The following BRPF1 variants were observed in gnomAD, a reference collection of about 807,000 sequenced individuals.
The protein encoded by BRPF1 is bromodomain and PHD finger containing 1.
BRPF1 carries 15 observed loss-of-function variants against 115.0 expected under a neutral mutation model. The ratio of observed to expected loss-of-function variants is 0.13; its 90% CI spans 0.09 to 0.20. BRPF1 has a LOEUF of 0.20. BRPF1 is among the 10% of genes least tolerant of loss of function. The probability of loss-of-function intolerance (pLI) is 1.00; values close to 1 mark genes in which losing one functional copy is unlikely to be tolerated. For synonymous variants in BRPF1, 647 were observed against 619.8 expected, an observed-to-expected ratio of 1.04 and a Z score of -0.65; for missense variants, 1,118 against 1,638.3, an observed-to-expected ratio of 0.68 and a Z score of 5.48.
At position 9,745,433 on chromosome 3, in the gene BRPF1, G is replaced by A; in HGVS notation, c.3069-140G>A. ...GGTCATCAGCCTAGCCCCTGTGGGT[G>A]TTTGAATTTGAAATTCCTCATATAG... On this transcript the variant is annotated intron_variant, in intron 10 of 13. Coordinates refer to ENST00000383829, the MANE Select transcript of BRPF1 (RefSeq NM_001003694.2). This position sits in a 1 kb window ranked among gnomAD's most constrained non-coding sequence, Gnocchi z 5.1. 2.7e-6 allele frequency: 3 copies of A among 1,108,336 alleles called. No individual in the cohort carries two copies. Among genetic ancestry groups the A allele is most frequent in the Non-Finnish European group, 3.9e-6 (3 of 763,922 alleles). The allele number at this position is 1,108,336 out of a possible 1,614,324, so 68.7% of individuals were successfully genotyped here. A position where few individuals can be genotyped will look rare whatever the true frequency, so the allele number is the denominator to read the frequency against.
chr3:9,739,233 C>A lies in BRPF1; in HGVS notation c.834C>A (p.Ile278=). Residue 278 remains isoleucine (I), a synonymous_variant, in exon 3 of 14, where the codon ATC becomes ATA. Transcript: ENST00000383829. The part of the protein sequence containing the change: ...ALVDEDAVCC[I]CNDGECQNSN... ...TGGACGAGGATGCTGTTTGCTGTAT[C>A]TGCAATGATGGTGAGTGCCAGAACA... 1 of 1,613,482 alleles carries A rather than the reference C, an allele frequency of 6.2e-7. No individual in the cohort carries two copies. The highest frequency in any genetic ancestry group is 8.5e-7 in the Non-Finnish European group (1 of 1,179,510).
At position 9,739,095 on chromosome 3, in the gene BRPF1, G is replaced by C; in HGVS notation, c.696G>C (p.Arg232=). The C allele has an allele frequency of 6.2e-7, 1 of 1,613,822 alleles. No homozygotes were observed. Among genetic ancestry groups the C allele is most frequent in the South Asian group, 1.1e-5 (1 of 91,038 alleles). ...YIWLDIMNER[R]KTEGVSPIPQ... is the part of the protein sequence containing the mutation. ...GGCTGGATATCATGAATGAGCGTCG[G>C]AAGACAGAGGGTGTAAGTCCCATCC... is the stretch of plus-strand genomic sequence containing the variant. The change falls in exon 3 of 14, where the codon CGG becomes CGC. Residue 232 remains arginine (R), a synonymous_variant. Transcript: ENST00000383829.
In BRPF1 at chr3:9,743,752, T is replaced by C; in HGVS notation, c.2486T>C (p.Leu829Pro). ...GAGATGACGGCACTGCGGCGGAAGC[T>C]TGCCCATCAGCGAGAGACGGGACGT... ...KKEMTALRRK[L>P]AHQRETGRDG... is the part of the protein sequence containing the mutation. Residue 829 changes from leucine (L) to proline (P), a missense_variant, in exon 8 of 14, where the codon CTT (leucine) becomes CCT (proline). Around this residue, in one of 10 missense-constraint regions of BRPF1, gnomAD observed 223 missense variants for 240.7 expected, o/e 0.93. Transcript: ENST00000383829. The surrounding 1 kb of genome is among the most constrained non-coding windows in gnomAD (Gnocchi z 6.1). The C allele has an allele frequency of 6.2e-7, 1 of 1,614,142 alleles. No individual in the cohort carries two copies. The highest frequency in any genetic ancestry group is 8.5e-7 in the Non-Finnish European group (1 of 1,180,032).
In BRPF1 at chr3:9,739,485, C is replaced by T. The variant is rs369766234; in HGVS notation, c.1086C>T (p.Phe362=). 121 of 1,613,472 alleles carry T rather than the reference C, an allele frequency of 7.5e-5. No individual in the cohort carries two copies. The East Asian group carries it at 8.7e-4, about 12-fold the overall frequency. Reference sequence around the variant, plus strand: ...CCTTGTGGATCCCTGAGGTCTGCTTCGCCAACACGGTCTTCCTAGAGCCTA... The same window carrying T: ...CCTTGTGGATCCCTGAGGTCTGCTTTGCCAACACGGTCTTCCTAGAGCCTA... The part of the protein sequence containing the change: ...VCALWIPEVC[F]ANTVFLEPID... Residue 362 remains phenylalanine (F), a synonymous_variant, in exon 3 of 14, where the codon TTC becomes TTT. Coordinates refer to ENST00000383829, the MANE Select transcript of BRPF1 (RefSeq NM_001003694.2).
chr3:9,740,237 G>A (rs773276523), intron 3 of BRPF1, among the ~76,000 whole-genome samples: 48 of 152,306 alleles, frequency 3.2e-4, no homozygotes, highest in Admixed American at 4.6e-4. Context: ...GGATGGAAGA[G>A]GATGGAACTG....
At chr3:9,735,390 C>A (rs1243096434) in intron 2 of BRPF1, among the ~76,000 whole-genome samples, 3 of 152,212 alleles carry the variant, frequency 2.0e-5, no homozygotes, top group Non-Finnish European at 2.9e-5. Context: ...CATAGCTGTA[C>A]TGTTTCCACT....
rs1202600287 is a variant in BRPF1 at position 9,742,055 on chromosome 3, C to G, written c.1885C>G (p.Gln629Glu). ...GGTTCAGCAGATTGCCATGGAGATG[C>G]AGCTGACTCCTTTCCTCATCCTCCT... ...IKVQQIAMEM[Q>E]LTPFLILLRK... is the part of the protein sequence containing the mutation. The change falls in exon 6 of 14, where the codon CAG becomes GAG. Residue 629 changes from glutamine to glutamate, a missense_variant. Coordinates refer to ENST00000383829, the MANE Select transcript of BRPF1 (RefSeq NM_001003694.2). 1.2e-6 allele frequency: 2 copies of G among 1,614,088 alleles called. No individual in the cohort carries two copies. The highest frequency in any genetic ancestry group is 1.3e-5 in the African/African-American group (1 of 74,922).
chr3:9,735,688 C>T (rs1307330579), intron 2 of BRPF1, among the ~76,000 whole-genome samples: 1 of 152,178 alleles, frequency 6.6e-6, no homozygotes, highest in Non-Finnish European at 1.5e-5. Context: ...TAATACTCCT[C>T]CAGTGGCCCT....
At position 9,744,206 on chromosome 3, in the gene BRPF1, T is replaced by G; in HGVS notation, c.2636-18T>G. 6.6e-7 allele frequency: 1 copy of G among 1,515,806 alleles called. No homozygotes were observed. The highest frequency in any genetic ancestry group is 8.8e-7 in the Non-Finnish European group (1 of 1,132,700). The allele number at this position is 1,515,806 out of a possible 1,614,324, so 93.9% of individuals were successfully genotyped here. On this transcript the variant is annotated intron_variant, in intron 8 of 13. Transcript: ENST00000383829. ...TCAGGCCCCTCACCAACTCTCCTTC[T>G]TTCTTTCTCTGCTCCAGGCCTGGGT...
In BRPF1 at chr3:9,741,409, C is replaced by A; in HGVS notation, c.1824C>A (p.Ile608=). ...LERARLLVEL[I]RKREKLKRET... ...GAGCTCGGCTGCTCGTGGAATTGAT[C>A]CGCAAGCGGGAAAAACTCAAAAGGG... The change falls in exon 5 of 14, where the codon ATC becomes ATA. Residue 608 remains isoleucine, a synonymous_variant. Transcript: ENST00000383829. 1 of 1,605,198 alleles carries A rather than the reference C, an allele frequency of 6.2e-7. No individual in the cohort carries two copies. The highest frequency in any genetic ancestry group is 2.2e-5 in the East Asian group (1 of 44,450).
Position 9,744,228 on chromosome 3 carries a change from G to C in BRPF1, c.2640G>C (p.Leu880=). 6.5e-7 allele frequency: 1 copy of C among 1,530,408 alleles called. No homozygotes were observed. The highest frequency in any genetic ancestry group is 8.8e-7 in the Non-Finnish European group (1 of 1,139,988). 94.8% of individuals were successfully genotyped at this position (1,530,408 alleles called of 1,614,324 possible). The part of the protein sequence containing the change: ...ESSSQETSKG[L]GPNMSSTPAH... ...TTCTTTCTTTCTCTGCTCCAGGCCT[G>C]GGTCCCAACATGTCCTCAACCCCCG... Residue 880 remains leucine (L), a synonymous_variant, in exon 9 of 14, where the codon CTG becomes CTC. Transcript: ENST00000383829.
rs953093282 is a variant in BRPF1 at position 9,747,105 on chromosome 3, G to T, written c.3480-61G>T. 6.3e-7 allele frequency: 1 copy of T among 1,584,158 alleles called. No homozygotes were observed. The highest frequency in any genetic ancestry group is 1.3e-5 in the African/African-American group (1 of 74,400). ...GGGTGGTGTGTTTGAGTGAATAGAGGAGGAAGGCTGGTCCTTGTTCTCCCT... is the reference window on the plus strand; with the variant it reads ...GGGTGGTGTGTTTGAGTGAATAGAGTAGGAAGGCTGGTCCTTGTTCTCCCT... On this transcript the variant is annotated intron_variant, in intron 13 of 13. Coordinates refer to ENST00000383829, the MANE Select transcript of BRPF1 (RefSeq NM_001003694.2). This position sits in a 1 kb window ranked among gnomAD's most constrained non-coding sequence, Gnocchi z 5.6.
At chr3:9,733,343 TC>T (rs1333770610) in intron 1 of BRPF1, 1 of 152,226 alleles carries the variant, frequency 6.6e-6, no homozygotes, top group Admixed American at 6.5e-5. Flanking sequence ...AGTCTGGTGA[TC>T]CCCTCATTCA....
At chr3:9,742,571 C>T in intron 6 of BRPF1, 1 of 983,428 alleles carries the variant, frequency 1.0e-6, no homozygotes, top group African/African-American at 1.7e-5. Flanking sequence ...AGGCAGCAGC[C>T]TCCTTATAAG....
chr3:9,734,482 C>T lies in BRPF1; in HGVS notation c.342C>T (p.Asp114=), dbSNP rs564581907. ...GCGTCCACCGCATCAGCATCTTTGA[C>T]AACCTGGATGTGGTGTCAGAGGATG... The part of the protein sequence containing the change: ...HGRVHRISIF[D]NLDVVSEDEE... The change falls in exon 2 of 14, where the codon GAC becomes GAT. Residue 114 remains aspartate, a synonymous_variant. Coordinates refer to ENST00000383829, the MANE Select transcript of BRPF1 (RefSeq NM_001003694.2). This position sits in a 1 kb window ranked among gnomAD's most constrained non-coding sequence, Gnocchi z 5.7. 1 of 1,614,138 alleles carries T rather than the reference C, an allele frequency of 6.2e-7. No homozygotes were observed. The highest frequency in any genetic ancestry group is 1.7e-5 in the Admixed American group (1 of 60,016).
At position 9,745,953 on chromosome 3, in the gene BRPF1, T is replaced by C; in HGVS notation, c.3324+23T>C. Reference sequence around the variant, plus strand: ...CTGGTATGCTTGCTTCTGTTACACTTCTTGCTTTCCAATCCCAGAATACAG... The same window carrying C: ...CTGGTATGCTTGCTTCTGTTACACTCCTTGCTTTCCAATCCCAGAATACAG... On this transcript the variant is annotated intron_variant, in intron 12 of 13. Transcript: ENST00000383829. This position sits in a 1 kb window ranked among gnomAD's most constrained non-coding sequence, Gnocchi z 5.1. The C allele has an allele frequency of 6.3e-7, 1 of 1,595,988 alleles. No individual in the cohort carries two copies. Among genetic ancestry groups the C allele is most frequent in the Non-Finnish European group, 8.6e-7 (1 of 1,169,174 alleles).
Position 9,743,137 on chromosome 3 carries a change from G to T in BRPF1, c.2195G>T (p.Gly732Val). Residue 732 changes from glycine (G) to valine (V), a missense_variant, in exon 7 of 14, where the codon GGT becomes GTT. Gly to Val is a moderately radical substitution (Grantham distance 109). This residue lies in a region of BRPF1 where 223 missense variants were observed against 240.7 expected (regional missense o/e 0.93). Coordinates refer to ENST00000383829, the MANE Select transcript of BRPF1 (RefSeq NM_001003694.2). This position sits in a 1 kb window ranked among gnomAD's most constrained non-coding sequence, Gnocchi z 6.1. ...RAAVRLREQG[G>V]AVLRQARRQA... ...GCAGTGCGGCTTCGTGAGCAGGGTG[G>T]TGCTGTGCTCCGCCAGGCCCGGCGC... is the stretch of plus-strand genomic sequence containing the variant. 1.9e-6 allele frequency: 3 copies of T among 1,614,242 alleles called. No homozygotes were observed. Among genetic ancestry groups the T allele is most frequent in the Non-Finnish European group, 2.5e-6 (3 of 1,180,056 alleles).
At position 9,747,411 on chromosome 3, in the gene BRPF1, G is replaced by A; in HGVS notation, c.*62G>A. The A allele has an allele frequency of 6.4e-7, 1 of 1,574,016 alleles. No individual in the cohort carries two copies. The highest frequency in any genetic ancestry group is 1.3e-5 in the African/African-American group (1 of 74,348). On this transcript the variant is annotated 3_prime_UTR_variant, in exon 14 of 14. Coordinates refer to ENST00000383829, the MANE Select transcript of BRPF1 (RefSeq NM_001003694.2). The surrounding 1 kb of genome is among the most constrained non-coding windows in gnomAD (Gnocchi z 5.6). ...ACTTCTCTCCTCCCCTTTGCTCACT[G>A]TCCTGGAGTGGCACCGGCCTCTGCA...
At position 9,731,746 on chromosome 3, in the gene BRPF1, A is replaced by ACGCCGTCGCCGCCGCTGCTGC. The variant is rs1553693075; in HGVS notation, c.-397_-377dup. 1 of 153,338 alleles carries ACGCCGTCGCCGCCGCTGCTGC rather than the reference A, an allele frequency of 6.5e-6. No homozygotes were observed. The highest frequency in any genetic ancestry group is 6.7e-5 in the Admixed American group (1 of 14,982). The allele number at this position is 153,338 out of a possible 1,614,324, so 9.5% of individuals were successfully genotyped here. A position where few individuals can be genotyped will look rare whatever the true frequency, so the allele number is the denominator to read the frequency against. On this transcript the variant is annotated 5_prime_UTR_variant, in exon 1 of 14. Transcript: ENST00000383829. Reference sequence around the variant, plus strand: ...GCGGCGCCACGTTTACCCTGCGCAGACGCCGTCGCCGCCGCTGCTGCCGCC... The same window carrying ACGCCGTCGCCGCCGCTGCTGC: ...GCGGCGCCACGTTTACCCTGCGCAGACGCCGTCGCCGCCGCTGCTGCCGCCGTCGCCGCCGCTGCTGCCGCC...
Sources: allele counts gnomAD v4.1 joint callset (sites outside exome capture counted in the v4.1 genomes callset), GRCh38; gene constraint gnomAD v4.1.1; regional missense constraint gnomAD v4.1.1; non-coding constraint Gnocchi (gnomAD v3.1); transcripts MANE v1.5; gene names NCBI Gene and HGNC (gene_info 2026-07-23, HGNC 2026-07-21).